TBX5: variants seen among roughly 807,000 people sequenced by gnomAD.
TBX5 encodes the protein T-box transcription factor 5, also known as T-box transcription factor TBX5.
Under a neutral mutation model 51.1 loss-of-function variants are expected in TBX5, and 8 were observed. That is an observed-to-expected ratio of 0.16 (90% CI 0.09 to 0.28). The LOEUF is 0.28. Among genes scored for constraint, TBX5 ranks in the 10% least tolerant of loss-of-function variants. The probability of loss-of-function intolerance (pLI) is 1.00; values close to 1 mark genes in which losing one functional copy is unlikely to be tolerated. For synonymous variants in TBX5, 302 were observed against 266.4 expected (o/e 1.13, Z -1.30); for missense variants, 589 against 671.7 (o/e 0.88, Z 1.36).
chr12:114,371,164 C>T (rs1322291089), intron 7 of TBX5, among the ~76,000 whole-genome samples: 1 of 152,212 alleles, frequency 6.6e-6, no homozygotes, highest in African/African-American at 2.4e-5. Context: ...ATCTATCCTA[C>T]TCTTTGCAGA....
intron 1 of TBX5, among the ~76,000 whole-genome samples, chr12:114,405,150 C>A (rs1252805430): frequency 6.6e-6 from 1 of 152,216 alleles, no homozygotes. Flanking sequence ...CCTGCTGTGG[C>A]CAGAGATCTA....
intron 4 of TBX5, 23 bp from the exon 5 acceptor site, chr12:114,398,743 A>G: frequency 1.9e-6 from 3 of 1,589,100 alleles, no homozygotes; most frequent in East Asian, 2.3e-5. Flanking sequence ...GAGGTGTACT[A>G]GAGGCCTGGC....
intron 7 of TBX5, among the ~76,000 whole-genome samples, chr12:114,383,230 C>T (rs191630423): frequency 2.7e-3 from 403 of 152,046 alleles, no homozygotes; most frequent in African/African-American, 9.1e-3. Context: ...CAGTCTATGG[C>T]CAGGGAAAGC....
At chr12:114,398,458 G>A (rs1871557199) in intron 5 of TBX5, 115 bp downstream of exon 5, 1 of 1,442,436 alleles carries the variant, frequency 6.9e-7, no homozygotes, top group Non-Finnish European at 9.5e-7. Flanking sequence ...GAAAATGGAG[G>A]AAAGAAAAGG....
chr12:114,373,490 G>T lies in TBX5; in HGVS notation c.756-7099C>A, dbSNP rs144066521. Among the ~76,000 whole-genome samples, 610 of 152,262 alleles carry T rather than the reference G, an allele frequency of 4.0e-3. 5 individuals carry two copies. The highest frequency in any genetic ancestry group is 0.014 in the African/African-American group (564 of 41,544). ...TTGTGTTTGTTTTTGAGACAGTCTC[G>T]CTCTGTCGCCCAGGCTGGAGTGCAA... On this transcript the variant is annotated intron_variant, in intron 7 of 8. Coordinates refer to ENST00000405440, the MANE Select transcript of TBX5 (RefSeq NM_181486.4).
chr12:114,363,008 A>G (rs4767237), intron 8 of TBX5, among the ~76,000 whole-genome samples: 107,259 of 152,094 alleles, frequency 0.71, 38,291 homozygotes, highest in East Asian at 0.77. Context: ...TATAATGTCC[A>G]ACCTGCTTGC....
At chr12:114,388,839 C>T (rs946402843) in intron 6 of TBX5, among the ~76,000 whole-genome samples, 1 of 151,402 alleles carries the variant, frequency 6.6e-6, no homozygotes, top group Non-Finnish European at 1.5e-5. Flanking sequence ...CAGCTCTTGG[C>T]CTCCCAAATT....
At chr12:114,405,427 T>C (rs1872145658) in intron 1 of TBX5, among the ~76,000 whole-genome samples, 1 of 152,190 alleles carries the variant, frequency 6.6e-6, no homozygotes, top group Non-Finnish European at 1.5e-5. Flanking sequence ...GCCGTGCTTC[T>C]GCAAACCTCA....
At chr12:114,392,090 G>A (rs545121092) in intron 6 of TBX5, among the ~76,000 whole-genome samples, 7 of 151,474 alleles carry the variant, frequency 4.6e-5, no homozygotes, top group Middle Eastern at 3.4e-3. Flanking sequence ...TAGTGTGGCC[G>A]TGAAATACGC....
At chr12:114,380,951 T>G (rs1175740234) in intron 7 of TBX5, among the ~76,000 whole-genome samples, 1 of 152,126 alleles carries the variant, frequency 6.6e-6, no homozygotes, top group Admixed American at 6.5e-5. Context: ...TGATTAACCT[T>G]TCTAAATAAA....
At chr12:114,362,922 C>T (rs1869322717) in intron 8 of TBX5, among the ~76,000 whole-genome samples, 1 of 152,160 alleles carries the variant, frequency 6.6e-6, no homozygotes, top group Admixed American at 6.5e-5. Context: ...CCTCAGCCTC[C>T]CAAAATGCTG....
intron 6 of TBX5, among the ~76,000 whole-genome samples, chr12:114,388,024 G>A (rs1206964530): frequency 6.6e-6 from 1 of 151,984 alleles, no homozygotes; most frequent in Admixed American, 6.6e-5. Context: ...TTTATTTTTA[G>A]TTTCAGTTCA....
upstream of TBX5, chr12:114,408,064 G>A (rs756754574): frequency 9.7e-5 from 96 of 985,266 alleles, no homozygotes; most frequent in Non-Finnish European, 1.1e-4. Context: ...AGGCGATAGC[G>A]ACTATCTCAC....
chr12:114,365,027 C>A (rs934342453), intron 8 of TBX5, among the ~76,000 whole-genome samples: 3 of 151,284 alleles, frequency 2.0e-5, no homozygotes, highest in Non-Finnish European at 2.9e-5. Flanking sequence ...CCAGAAAATT[C>A]TTTCTTTAGC....
rs774605490 is a variant in TBX5, at chr12:114,405,757, G to C, written c.-168C>G. Reference sequence around the variant, plus strand: ...GGGTTTACTGCTTACCCAGAATAGCGGCTACTGCTGCCTACTAGGGCGCAC... The same window carrying C: ...GGGTTTACTGCTTACCCAGAATAGCCGCTACTGCTGCCTACTAGGGCGCAC... On this transcript the variant is annotated 5_prime_UTR_variant, in exon 1 of 9. Coordinates refer to ENST00000405440, the MANE Select transcript of TBX5 (RefSeq NM_181486.4). The C allele has an allele frequency of 3.0e-6, 3 of 985,476 alleles. No homozygotes were observed. Among genetic ancestry groups the C allele is most frequent in the Admixed American group, 6.1e-5 (1 of 16,274 alleles). The allele number at this position is 985,476 out of a possible 1,614,324, so 61.0% of individuals were successfully genotyped here. A position where few individuals can be genotyped will look rare whatever the true frequency, so the allele number is the denominator to read the frequency against.
chr12:114,361,711 A>T (rs1054877207), intron 8 of TBX5, among the ~76,000 whole-genome samples: 2 of 152,138 alleles, frequency 1.3e-5, no homozygotes, highest in African/African-American at 4.8e-5. Flanking sequence ...GGCCAGGGGG[A>T]AAACCACCCA....
chr12:114,365,065 GAA>G lies in TBX5; in HGVS notation c.982+1098_982+1099del, dbSNP rs5801051. Among the ~76,000 whole-genome samples the G allele has an allele frequency of 7.2e-3, 1,067 of 147,942 alleles. 16 individuals are homozygous for G. The highest frequency in any genetic ancestry group is 0.024 in the African/African-American group (954 of 40,152). ...AGCCCCTTTGGACTTGGATGACTTA[GAA>G]AAAAAAAAAAGCCATTTATTTCTCA... On this transcript the variant is annotated intron_variant, in intron 8 of 8. Transcript: ENST00000405440.
intron 8 of TBX5, among the ~76,000 whole-genome samples, chr12:114,362,994 C>T (rs1411220338): frequency 6.6e-6 from 1 of 152,168 alleles, no homozygotes; most frequent in Non-Finnish European, 1.5e-5. Context: ...TTTATAATTA[C>T]TTGTATAATG....
Position 114,401,885 on chromosome 12 carries a change from T to C in TBX5, c.183A>G (p.Arg61=), listed in dbSNP as rs777853147. 1.9e-6 allele frequency: 3 copies of C among 1,614,220 alleles called. No homozygotes were observed. The highest frequency in any genetic ancestry group is 2.5e-6 in the Non-Finnish European group (3 of 1,180,042). ...CTTCGTGGAATTTTAGCCACAGTTC[T>C]CTTTCATGGAGAAACACTTTGATTC... is the stretch of plus-strand genomic sequence containing the variant. ...MEGIKVFLHE[R]ELWLKFHEVG... Residue 61 remains arginine, a synonymous_variant, in exon 3 of 9, where the codon AGA becomes AGG. Transcript: ENST00000405440.
Sources: allele counts gnomAD v4.1 joint callset (sites outside exome capture counted in the v4.1 genomes callset), GRCh38; gene constraint gnomAD v4.1.1; transcripts MANE v1.5; gene names NCBI Gene and HGNC (gene_info 2026-07-23, HGNC 2026-07-21).